Variants in TBC1D22A observed in about 807,000 individuals in gnomAD.
The protein encoded by TBC1D22A is putative GTPase activator.
In TBC1D22A, 38 loss-of-function variants were observed where a neutral mutation model predicts 60.2. The observed-to-expected ratio is 0.63, with a 90% CI of 0.49 to 0.83. The LOEUF is 0.83. TBC1D22A is among the 40% of genes least tolerant of loss of function. The pLI, the probability that TBC1D22A is intolerant of heterozygous loss-of-function variation, is 0.00. For missense variants in TBC1D22A, 628 were observed against 701.0 expected (o/e 0.90, Z 1.18); for synonymous variants, 302 against 281.7 (o/e 1.07, Z -0.72).
chr22:46,996,946 G>A (rs759647865), intron 9 of TBC1D22A, among the ~76,000 whole-genome samples: 7 of 152,176 alleles, frequency 4.6e-5, no homozygotes, highest in South Asian at 4.1e-4. Flanking sequence ...GTAATGAAAC[G>A]GAAGCCCAGA....
chr22:47,172,729 G>A (rs1015321710), intron 12 of TBC1D22A, among the ~76,000 whole-genome samples: 1 of 152,202 alleles, frequency 6.6e-6, no homozygotes, highest in Admixed American at 6.5e-5. Context: ...TTTTGCAGAG[G>A]AGGAAGCTGG....
At chr22:47,169,283 G>A (rs2068337217) in intron 12 of TBC1D22A, among the ~76,000 whole-genome samples, 1 of 152,168 alleles carries the variant, frequency 6.6e-6, no homozygotes, top group Non-Finnish European at 1.5e-5. Context: ...GTTGCCTGGT[G>A]GAAAGCGTGA....
At chr22:46,819,510 A>T (rs1006883216) in intron 4 of TBC1D22A, among the ~76,000 whole-genome samples, 81 of 152,068 alleles carry the variant, frequency 5.3e-4, no homozygotes, top group Admixed American at 5.2e-4. Flanking sequence ...GTTTTTTGTC[A>T]TTGGTTCTGT....
intron 12 of TBC1D22A, among the ~76,000 whole-genome samples, chr22:47,131,722 C>A (rs548919516): frequency 1.3e-5 from 2 of 152,316 alleles, no homozygotes; most frequent in East Asian, 3.9e-4. Context: ...AGTGACAGGC[C>A]CCTTCTCAGC....
At chr22:46,778,873 G>A (rs2083816805) in intron 1 of TBC1D22A, among the ~76,000 whole-genome samples, 1 of 152,042 alleles carries the variant, frequency 6.6e-6, no homozygotes, top group African/African-American at 2.4e-5. Context: ...GTGAAACCCC[G>A]TCTCTACTAA....
At chr22:47,076,958 G>A (rs2064254766) in intron 11 of TBC1D22A, among the ~76,000 whole-genome samples, 1 of 152,140 alleles carries the variant, frequency 6.6e-6, no homozygotes, top group Non-Finnish European at 1.5e-5. Context: ...CCAGCTAGCA[G>A]GAAAGAGGAA....
rs574570426 is a variant in TBC1D22A at position 46,949,420 on chromosome 22, C to G, written c.1016-24870C>G. On this transcript the variant is annotated intron_variant, in intron 8 of 12. Transcript: ENST00000337137. ...TGATGGAGCTGAGCCTGACCCCGTCCCCCATGTCTGCTCTGATGCTCCCCT... is the reference window on the plus strand; with the variant it reads ...TGATGGAGCTGAGCCTGACCCCGTCGCCCATGTCTGCTCTGATGCTCCCCT... Among the ~76,000 whole-genome samples, 367 of 152,300 alleles carry G rather than the reference C, an allele frequency of 2.4e-3. 1 individual carries two copies. The highest frequency in any genetic ancestry group is 8.4e-3 in the African/African-American group (350 of 41,578).
chr22:46,915,183 A>G (rs934579927), intron 8 of TBC1D22A: 2 of 351,632 alleles, frequency 5.7e-6, no homozygotes, highest in Admixed American at 3.8e-5. Flanking sequence ...ATCTTTGAAC[A>G]TTCATTCTGG....
intron 4 of TBC1D22A, among the ~76,000 whole-genome samples, chr22:46,871,491 T>A (rs541502648): frequency 6.6e-6 from 1 of 152,330 alleles, no homozygotes; most frequent in African/African-American, 2.4e-5. Flanking sequence ...ATCAGAGGGT[T>A]GAAATACCAC....
At chr22:47,049,653 A>G (rs1204059391) in intron 11 of TBC1D22A, among the ~76,000 whole-genome samples, 5 of 152,226 alleles carry the variant, frequency 3.3e-5, no homozygotes, top group Non-Finnish European at 7.3e-5. Flanking sequence ...ACATAACACA[A>G]ATCAAATAGT....
At chr22:47,067,906 G>A (rs1459638226) in intron 11 of TBC1D22A, among the ~76,000 whole-genome samples, 3 of 152,232 alleles carry the variant, frequency 2.0e-5, no homozygotes, top group Non-Finnish European at 4.4e-5. Flanking sequence ...GTTCATGCAC[G>A]ATGCTTTGAG....
chr22:46,988,222 G>C (rs1483866155), intron 9 of TBC1D22A, among the ~76,000 whole-genome samples: 2 of 152,108 alleles, frequency 1.3e-5, no homozygotes, highest in Non-Finnish European at 2.9e-5. Context: ...CATATCTGTA[G>C]TTACTTCCTC....
At chr22:46,996,919 T>C (rs2075140131) in intron 9 of TBC1D22A, among the ~76,000 whole-genome samples, 1 of 152,200 alleles carries the variant, frequency 6.6e-6, no homozygotes, top group African/African-American at 2.4e-5. Flanking sequence ...GGCAGTGTTA[T>C]TACTCTCATG....
At chr22:46,789,467 C>G (rs2084313554) in intron 1 of TBC1D22A, 2 of 370,892 alleles carry the variant, frequency 5.4e-6, no homozygotes, top group Admixed American at 3.1e-5. Flanking sequence ...TGAAGTTTTG[C>G]TTTTGTGAGT....
chr22:47,001,969 T>C (rs183190012), intron 10 of TBC1D22A, among the ~76,000 whole-genome samples: 18 of 152,344 alleles, frequency 1.2e-4, no homozygotes, highest in African/African-American at 3.8e-4. Flanking sequence ...TAAGCATTTG[T>C]AGGCTCAAAG....
At chr22:46,809,116 A>T (rs1287568446) in intron 4 of TBC1D22A, among the ~76,000 whole-genome samples, 1 of 152,194 alleles carries the variant, frequency 6.6e-6, no homozygotes, top group Non-Finnish European at 1.5e-5. Flanking sequence ...GTAGACATTG[A>T]TTTCTCCCAG....
chr22:47,167,961 T>A (rs2068270069), intron 12 of TBC1D22A, among the ~76,000 whole-genome samples: 2 of 151,754 alleles, frequency 1.3e-5, no homozygotes, highest in Admixed American at 1.3e-4. Flanking sequence ...TGTCTCCTGT[T>A]GCTATCACTA....
intron 7 of TBC1D22A, among the ~76,000 whole-genome samples, chr22:46,904,446 G>A (rs2069295603): frequency 6.6e-6 from 1 of 151,490 alleles, no homozygotes; most frequent in African/African-American, 2.4e-5. Flanking sequence ...TTCCTGGCTT[G>A]CCTGCTGGTG....
intron 9 of TBC1D22A, among the ~76,000 whole-genome samples, chr22:46,975,948 G>C (rs1378951136): frequency 1.3e-5 from 2 of 152,124 alleles, no homozygotes; most frequent in South Asian, 2.1e-4. Flanking sequence ...AAAGAAAAAT[G>C]TGCCCACTAG....
Sources: gnomAD v4.1 joint callset for allele counts (sites outside exome capture counted in the v4.1 genomes callset) on GRCh38, gnomAD v4.1.1 for gene constraint, MANE v1.5 for transcripts, NCBI Gene and HGNC (gene_info 2026-07-23, HGNC 2026-07-21) for gene names.